The following RGS7 variants were observed in gnomAD, a reference collection of about 807,000 sequenced individuals.
The protein encoded by RGS7 is regulator of G-protein signaling 7.
Under a neutral mutation model 81.1 loss-of-function variants are expected in RGS7, and 27 were observed. The observed-to-expected ratio is 0.33, with a 90% confidence interval of 0.25 to 0.46. The LOEUF (loss-of-function observed/expected upper bound fraction) is 0.46, where lower values mean the gene tolerates loss of function less well. Ranked by LOEUF, RGS7 falls within the 20% of genes least tolerant of loss-of-function variation. The pLI is 1.00. For missense variants in RGS7, 396 were observed against 607.4 expected, an observed-to-expected ratio of 0.65 and a Z score of 3.66; for synonymous variants, 208 against 207.7, an observed-to-expected ratio of 1.00 and a Z score of -0.01.
chr1:241,171,605 C>T (rs541184058), intron 2 of RGS7, among the ~76,000 whole-genome samples: 2 of 152,244 alleles, frequency 1.3e-5, no homozygotes, highest in South Asian at 4.1e-4. Flanking sequence ...TTTCTAGTAA[C>T]AAGTGATTCC....
chr1:241,011,991 T>C (rs139836370), intron 3 of RGS7, among the ~76,000 whole-genome samples: 35 of 152,232 alleles, frequency 2.3e-4, no homozygotes, highest in African/African-American at 7.9e-4. Context: ...AACTTGCTTT[T>C]GCTTTGCGCT....
chr1:241,013,053 C>CTTTTTTTTTTTTT (rs146066815), intron 3 of RGS7, among the ~76,000 whole-genome samples: 2 of 80,310 alleles, frequency 2.5e-5, no homozygotes, highest in African/African-American at 9.3e-5. Context: ...CTGACCCCTC[C>CTTTTTTTTTTTTT]TTTTTTTTTT....
chr1:241,262,365 A>G (rs921604257), intron 2 of RGS7, among the ~76,000 whole-genome samples: 2 of 152,224 alleles, frequency 1.3e-5, no homozygotes, highest in Non-Finnish European at 2.9e-5. Context: ...CTCACTGTCA[A>G]TCAAGTAAAG....
At chr1:240,999,623 C>T (rs1687826585) in intron 3 of RGS7, among the ~76,000 whole-genome samples, 5 of 152,138 alleles carry the variant, frequency 3.3e-5, no homozygotes, top group Admixed American at 3.3e-4. Flanking sequence ...GTTGTTAATA[C>T]AGCGTCTCAC....
At chr1:241,326,241 C>G (rs965527273) in intron 2 of RGS7, among the ~76,000 whole-genome samples, 1 of 152,166 alleles carries the variant, frequency 6.6e-6, no homozygotes, top group Admixed American at 6.5e-5. Flanking sequence ...ACCCTGGTTG[C>G]GTACGTACAC....
intron 4 of RGS7, among the ~76,000 whole-genome samples, chr1:240,965,400 T>A (rs1196931242): frequency 6.6e-6 from 1 of 152,224 alleles, no homozygotes; most frequent in Non-Finnish European, 1.5e-5. Flanking sequence ...TGAAATCGAT[T>A]ATTTGGTAAA....
Position 240,868,870 on chromosome 1 carries a change from G to C in RGS7, c.451-18C>G, listed in dbSNP as rs778859226. 7.4e-6 allele frequency: 12 copies of C among 1,612,330 alleles called. No homozygotes were observed. The Admixed American group carries it at 8.3e-5, about 11-fold the overall frequency. ...AGGCTCTCCTGAAAAACATACCCCAGGTGAAGACATTTGGTGTTCATTGTC... is the reference window on the plus strand; with the variant it reads ...AGGCTCTCCTGAAAAACATACCCCACGTGAAGACATTTGGTGTTCATTGTC... On this transcript the variant is annotated intron_variant, in intron 7 of 18. Coordinates refer to ENST00000440928, the MANE Select transcript of RGS7 (RefSeq NM_001364886.1). The surrounding 1 kb of genome is among the most constrained non-coding windows in gnomAD (Gnocchi z 5.1).
chr1:241,327,248 T>C (rs1340582646), intron 2 of RGS7, among the ~76,000 whole-genome samples: 2 of 152,052 alleles, frequency 1.3e-5, no homozygotes, highest in African/African-American at 4.8e-5. Flanking sequence ...TATACTCTGT[T>C]AGAGGCAGGC....
chr1:241,278,847 A>C (rs911987179), intron 2 of RGS7, among the ~76,000 whole-genome samples: 4 of 152,196 alleles, frequency 2.6e-5, no homozygotes, highest in Admixed American at 1.3e-4. Context: ...TCAGACACTG[A>C]CATTTAGGAT....
At chr1:241,308,060 T>C (rs973900865) in intron 2 of RGS7, among the ~76,000 whole-genome samples, 1 of 152,178 alleles carries the variant, frequency 6.6e-6, no homozygotes, top group African/African-American at 2.4e-5. Flanking sequence ...AAGGGGAAAT[T>C]AGGTATAACT....
chr1:241,235,930 G>GAGAGAGAGAGAGAA lies in RGS7; in HGVS notation c.78+119768_78+119769insTTCTCTCTCTCTCT, dbSNP rs1558220619. ...ACTTTGAGAGAGAGAGAGAGAGAGA[G>GAGAGAGAGAGAGAA]AGAAAGACAGACAGAGACAGAGGAG... On this transcript the variant is annotated intron_variant, in intron 2 of 18. Coordinates refer to ENST00000440928, the MANE Select transcript of RGS7 (RefSeq NM_001364886.1). Among the ~76,000 whole-genome samples the GAGAGAGAGAGAGAA allele has an allele frequency of 2.0e-5, 3 of 147,644 alleles. No homozygotes were observed. The East Asian group carries it at 5.8e-4, about 29-fold the overall frequency.
chr1:241,047,733 C>CTTTTTTTTTT (rs34738551), intron 3 of RGS7, among the ~76,000 whole-genome samples: 8 of 89,514 alleles, frequency 8.9e-5, no homozygotes, highest in Non-Finnish European at 1.5e-4. Context: ...GTTTACAATC[C>CTTTTTTTTTT]TTTTTTTTTT....
chr1:241,268,785 G>A (rs899395773), intron 2 of RGS7, among the ~76,000 whole-genome samples: 17 of 152,152 alleles, frequency 1.1e-4, no homozygotes, highest in Non-Finnish European at 2.4e-4. Context: ...TTGTCCCTCC[G>A]CTGGATCAGT....
At chr1:241,195,389 T>C (rs890426899) in intron 2 of RGS7, among the ~76,000 whole-genome samples, 1 of 151,894 alleles carries the variant, frequency 6.6e-6, no homozygotes, top group Non-Finnish European at 1.5e-5. Context: ...GGCAGAAGAA[T>C]CACTCGAACC....
At chr1:241,236,365 G>C (rs923399658) in intron 2 of RGS7, among the ~76,000 whole-genome samples, 2 of 152,148 alleles carry the variant, frequency 1.3e-5, no homozygotes, top group Non-Finnish European at 2.9e-5. Flanking sequence ...TCAGTGTGTA[G>C]AGTTAGCCAT....
intron 2 of RGS7, among the ~76,000 whole-genome samples, chr1:241,295,685 A>C (rs1239068462): frequency 6.6e-6 from 1 of 152,180 alleles, no homozygotes; most frequent in Non-Finnish European, 1.5e-5. Flanking sequence ...ACATATTTTG[A>C]ATTAGAAAGG....
At chr1:240,816,445 G>T in intron 10 of RGS7, 30 bp from the exon 11 acceptor site, 1 of 1,392,148 alleles carries the variant, frequency 7.2e-7, no homozygotes, top group Non-Finnish European at 1.0e-6. Flanking sequence ...AAACATTTTA[G>T]GACAAAATAC....
chr1:240,890,649 C>T (rs1668144847), intron 6 of RGS7, among the ~76,000 whole-genome samples: 1 of 152,046 alleles, frequency 6.6e-6, no homozygotes, highest in Non-Finnish European at 1.5e-5. Flanking sequence ...GTGCCAGGCA[C>T]TGTGATTGTG....
intron 17 of RGS7, among the ~76,000 whole-genome samples, chr1:240,801,052 A>ATTT (rs1687941920): frequency 6.6e-6 from 1 of 152,130 alleles, no homozygotes; most frequent in Non-Finnish European, 1.5e-5. Flanking sequence ...CAGAAGTAAA[A>ATTT]CGCATAGAAC....
Sources: allele counts gnomAD v4.1 joint callset (sites outside exome capture counted in the v4.1 genomes callset), GRCh38; gene constraint gnomAD v4.1.1; non-coding constraint Gnocchi (gnomAD v3.1); transcripts MANE v1.5; gene names NCBI Gene and HGNC (gene_info 2026-07-23, HGNC 2026-07-21).